EYS: variants seen among roughly 807,000 people sequenced by gnomAD.
The protein encoded by EYS is EGF-like photoreceptor maintenance factor.
In EYS, 250 loss-of-function variants were observed where a neutral mutation model predicts 282.1. That is an observed-to-expected ratio of 0.89 (90% confidence interval 0.80 to 0.98). EYS has a LOEUF of 0.98. Ranked by LOEUF, EYS falls within the 50% of genes least tolerant of loss-of-function variation. The pLI, the probability that EYS is intolerant of heterozygous loss-of-function variation, is 0.00. For synonymous variants in EYS, 1,355 were observed against 1,282.9 expected, an observed-to-expected ratio of 1.06 and a Z score of -1.20; for missense variants, 4,016 against 3,709.0, an observed-to-expected ratio of 1.08 and a Z score of -2.15.
At chr6:64,456,168 CCACT>C (rs1003637012) in intron 26 of EYS, among the ~76,000 whole-genome samples, 6 of 152,054 alleles carry the variant, frequency 3.9e-5, no homozygotes, top group African/African-American at 1.4e-4. Flanking sequence ...AGTTGACCCA[CCACT>C]CAAATTCCAT....
intron 22 of EYS, among the ~76,000 whole-genome samples, chr6:64,629,143 G>A (rs1261911532): frequency 6.6e-6 from 1 of 151,972 alleles, no homozygotes; most frequent in Admixed American, 6.6e-5. Context: ...TGATGACTTC[G>A]ACTGTTTTGA....
intron 12 of EYS, among the ~76,000 whole-genome samples, chr6:65,146,289 T>A (rs1764476308): frequency 6.6e-6 from 1 of 151,756 alleles, no homozygotes; most frequent in African/African-American, 2.4e-5. Context: ...GGAAAGAAAA[T>A]AACTGACATA....
chr6:64,134,147 G>C (rs902876750), intron 31 of EYS, among the ~76,000 whole-genome samples: 3 of 151,968 alleles, frequency 2.0e-5, no homozygotes, highest in African/African-American at 7.2e-5. Context: ...GGTCATCTTG[G>C]GCTTTCCAGT....
At chr6:64,058,838 G>A (rs1437917463) in intron 33 of EYS, among the ~76,000 whole-genome samples, 4 of 152,150 alleles carry the variant, frequency 2.6e-5, no homozygotes, top group Non-Finnish European at 5.9e-5. Context: ...CTCTGCCACT[G>A]CACAAAAATA....
At chr6:64,399,434 T>C (rs1773478109) in intron 28 of EYS, among the ~76,000 whole-genome samples, 1 of 151,808 alleles carries the variant, frequency 6.6e-6, no homozygotes, top group African/African-American at 2.4e-5. Context: ...GTGAATCCCA[T>C]TATTGTCTAT....
At chr6:64,199,353 A>G (rs952470139) in intron 31 of EYS, among the ~76,000 whole-genome samples, 1 of 152,214 alleles carries the variant, frequency 6.6e-6, no homozygotes, top group Non-Finnish European at 1.5e-5. Context: ...TATTTAATAA[A>G]TGGTGTTGGG....
At chr6:64,621,928 T>C (rs1014589671) in intron 23 of EYS, among the ~76,000 whole-genome samples, 2 of 152,182 alleles carry the variant, frequency 1.3e-5, no homozygotes, top group Admixed American at 6.5e-5. Context: ...TTACTGGGTG[T>C]TCTACATTGT....
intron 2 of EYS, among the ~76,000 whole-genome samples, chr6:65,589,245 C>T (rs944574493): frequency 3.9e-5 from 6 of 152,122 alleles, no homozygotes; most frequent in South Asian, 2.1e-4. Context: ...TCCAACCAAC[C>T]CTTTAAAGCA....
chr6:65,298,954 T>A (rs1368568536), intron 11 of EYS, among the ~76,000 whole-genome samples: 13 of 152,104 alleles, frequency 8.5e-5, no homozygotes, highest in Non-Finnish European at 2.9e-5. Flanking sequence ...TTAATATTTA[T>A]ACAGAAATGG....
intron 34 of EYS, among the ~76,000 whole-genome samples, chr6:63,998,302 T>C (rs1767927957): frequency 6.6e-6 from 1 of 152,190 alleles, no homozygotes; most frequent in Non-Finnish European, 1.5e-5. Context: ...GAAAATACAA[T>C]GTGCTTATAC....
chr6:65,571,581 G>C (rs754545645), intron 2 of EYS, among the ~76,000 whole-genome samples: 4 of 151,788 alleles, frequency 2.6e-5, no homozygotes, highest in Non-Finnish European at 4.4e-5. Flanking sequence ...TTTATTTTGG[G>C]ATGACATAAT....
intron 41 of EYS, among the ~76,000 whole-genome samples, chr6:63,739,162 C>T (rs1411607774): frequency 6.6e-6 from 1 of 152,020 alleles, no homozygotes; most frequent in African/African-American, 2.4e-5. Flanking sequence ...ATCAAATTCT[C>T]CCTGATTTGG....
At chr6:65,110,308 A>G (rs1775178283) in intron 12 of EYS, among the ~76,000 whole-genome samples, 1 of 152,220 alleles carries the variant, frequency 6.6e-6, no homozygotes, top group Admixed American at 6.5e-5. Context: ...AAAAGAACTA[A>G]CCAGGAAGAT....
chr6:64,204,910 T>C (rs1582424214), intron 31 of EYS, among the ~76,000 whole-genome samples: 1 of 152,266 alleles, frequency 6.6e-6, no homozygotes, highest in South Asian at 2.1e-4. Context: ...TTTAGGAGTG[T>C]AGTGGACTGA....
chr6:65,574,738 G>A (rs1764598272), intron 2 of EYS, among the ~76,000 whole-genome samples: 1 of 152,028 alleles, frequency 6.6e-6, no homozygotes, highest in African/African-American at 2.4e-5. Flanking sequence ...GGAAACATCG[G>A]ACTTGAACTA....
At chr6:64,829,701 A>G (rs1270001049) in intron 19 of EYS, among the ~76,000 whole-genome samples, 3 of 151,988 alleles carry the variant, frequency 2.0e-5, no homozygotes, top group African/African-American at 7.2e-5. Flanking sequence ...ACTAAATTAT[A>G]GAATGCGGTA....
chr6:64,348,683 G>A (rs779475116), intron 29 of EYS, among the ~76,000 whole-genome samples: 4 of 151,418 alleles, frequency 2.6e-5, no homozygotes, highest in African/African-American at 7.3e-5. Flanking sequence ...GGGAAAGGAC[G>A]GATCTTTCAA....
intron 2 of EYS, among the ~76,000 whole-genome samples, chr6:65,638,327 T>A (rs971531838): frequency 6.6e-6 from 1 of 152,128 alleles, no homozygotes; most frequent in Non-Finnish European, 1.5e-5. Flanking sequence ...CTCATTTTTT[T>A]AAGAGGCAGG....
intron 19 of EYS, among the ~76,000 whole-genome samples, chr6:64,880,787 G>A (rs1258140804): frequency 6.7e-6 from 1 of 148,620 alleles, no homozygotes; most frequent in East Asian, 2.0e-4. Context: ...ATAGGTTTGT[G>A]TTTATATTTT....
Sources: allele counts gnomAD v4.1 joint callset (sites outside exome capture counted in the v4.1 genomes callset), GRCh38; gene constraint gnomAD v4.1.1; transcripts MANE v1.5; gene names NCBI Gene and HGNC (gene_info 2026-07-23, HGNC 2026-07-21).